The following TLCD2 variants were observed in gnomAD, a reference collection of about 807,000 sequenced individuals.
The protein encoded by TLCD2 is TLC domain containing 2, also known as TLC domain-containing protein 2.
Under a neutral mutation model 14.0 loss-of-function variants are expected in TLCD2, and 12 were observed. That is an observed-to-expected ratio of 0.86 (90% CI 0.55 to 1.39). The LOEUF is 1.39. Ranked by LOEUF, TLCD2 falls within the 40% of genes most tolerant of loss-of-function variation. The pLI is 0.00. For missense variants in TLCD2, 360 were observed against 346.8 expected (o/e 1.04, Z -0.30); for synonymous variants, 166 against 156.5 (o/e 1.06, Z -0.45).
chr17:1,709,675 T>A, intron 2 of TLCD2, 94 bp from the exon 3 acceptor site: 1 of 1,231,718 alleles, frequency 8.1e-7, no homozygotes, highest in South Asian at 1.3e-5. Flanking sequence ...TCCCAGTTCT[T>A]AGTTTTCCCT....
intron 3 of TLCD2, 82 bp downstream of exon 3, chr17:1,709,412 AAAAAG>A (rs1914145231): frequency 3.6e-6 from 3 of 844,390 alleles, no homozygotes; most frequent in Admixed American, 2.9e-5. Context: ...AAAAAAAAAA[AAAAAG>A]AATGAGGAGA....
chr17:1,709,976 T>C, intron 1 of TLCD2, 90 bp from the exon 2 acceptor site: 1 of 1,512,946 alleles, frequency 6.6e-7, no homozygotes, highest in Non-Finnish European at 8.8e-7. Flanking sequence ...CCCACCCCAG[T>C]CTCAGCTCTG....
Position 1,708,479 on chromosome 17 carries a change from CTTTT to C in TLCD2, c.343-261_343-258del, listed in dbSNP as rs70956738. Among the ~76,000 whole-genome samples, 379 of 47,742 alleles carry C rather than the reference CTTTT, an allele frequency of 7.9e-3. 1 individual carries two copies. Among genetic ancestry groups the C allele is most frequent in the African/African-American group, 0.025 (361 of 14,668 alleles). 31.3% of individuals were successfully genotyped at this position (47,742 alleles called of 152,430 possible). On this transcript the variant is annotated intron_variant, in intron 3 of 3. Transcript: ENST00000330676. The stretch of plus-strand genomic sequence containing the variant: ...AACCTCCCATTCCTGGGCTTGCTTG[CTTTT>C]TTTTTTTTTTTTTTTTTTTTTCGAG...
Position 1,704,810 on chromosome 17 carries a change from A to G in TLCD2, c.*2960T>C, listed in dbSNP as rs140225556. On this transcript the variant is annotated 3_prime_UTR_variant, in exon 4 of 4. Transcript: ENST00000330676. ...AACCTCGGCCTCCCAGGTTCAAACG[A>G]TTCTCCTGCCTCAGCCTCCTCAGTA... is the stretch of plus-strand genomic sequence containing the variant. The G allele has an allele frequency of 1.4e-5, 2 of 143,868 alleles. No individual in the cohort carries two copies. Among genetic ancestry groups the G allele is most frequent in the East Asian group, 2.2e-4 (1 of 4,588 alleles). 8.9% of individuals were successfully genotyped at this position (143,868 alleles called of 1,614,324 possible). A position where few individuals can be genotyped will look rare whatever the true frequency, so the allele number is the denominator to read the frequency against.
At position 1,709,809 on chromosome 17, in the gene TLCD2, GAC is replaced by G; in HGVS notation, c.252_253del (p.Ser85CysfsTer10). 1 of 1,528,472 alleles carries G rather than the reference GAC, an allele frequency of 6.5e-7. No individual in the cohort carries two copies. Among genetic ancestry groups the G allele is most frequent in the Non-Finnish European group, 8.8e-7 (1 of 1,140,354 alleles). 94.7% of individuals were successfully genotyped at this position (1,528,472 alleles called of 1,614,324 possible). A position where few individuals can be genotyped will look rare whatever the true frequency, so the allele number is the denominator to read the frequency against. ...AGCCTTCCCTGCAGACTCACCCACAGACACAGCCACCAGCACCAGAGCCCAGC... is the reference window on the plus strand; with the variant it reads ...AGCCTTCCCTGCAGACTCACCCACAGACAGCCACCAGCACCAGAGCCCAGC... On this transcript the variant is annotated frameshift_variant, in exon 2 of 4. Coordinates refer to ENST00000330676, the MANE Select transcript of TLCD2 (RefSeq NM_001164407.2). LOFTEE classifies it high-confidence loss of function.
At chr17:1,709,749 G>C (rs1914159606) in intron 2 of TLCD2, 55 bp downstream of exon 2, 3 of 1,311,160 alleles carry the variant, frequency 2.3e-6, no homozygotes, top group South Asian at 2.5e-5. Flanking sequence ...AAGGACAGCA[G>C]AACCTGCCCC....
At chr17:1,709,953 C>A in intron 1 of TLCD2, 67 bp from the exon 2 acceptor site, 1 of 1,511,814 alleles carries the variant, frequency 6.6e-7, no homozygotes, top group South Asian at 1.2e-5. Context: ...GCCGCAGTCT[C>A]CCTGTGCGCA....
rs1203774331 is a variant in TLCD2, at chr17:1,710,092, G to A, written c.151C>T (p.Leu51Phe). 67 of 1,533,224 alleles carry A rather than the reference G, an allele frequency of 4.4e-5. No individual in the cohort carries two copies. Among genetic ancestry groups the A allele is most frequent in the Non-Finnish European group, 5.8e-5 (66 of 1,146,356 alleles). 95.0% of individuals were successfully genotyped at this position (1,533,224 alleles called of 1,614,324 possible). ...NLCVSLAHSL[L>F]SGTGALLGLS... ...CCGAGCAGCGCCCCGGTCCCCGAGAGCAGGCTGTGCGCCAGGGAGACGCAG... is the reference window on the plus strand; with the variant it reads ...CCGAGCAGCGCCCCGGTCCCCGAGAACAGGCTGTGCGCCAGGGAGACGCAG... The change falls in exon 1 of 4, where the codon CTC (leucine) becomes TTC (phenylalanine). Residue 51 changes from leucine (L) to phenylalanine (F), a missense_variant. Coordinates refer to ENST00000330676, the MANE Select transcript of TLCD2 (RefSeq NM_001164407.2). The surrounding 1 kb of genome is among the most constrained non-coding windows in gnomAD (Gnocchi z 6.1).
intron 3 of TLCD2, among the ~76,000 whole-genome samples, 178 bp downstream of exon 3, chr17:1,709,321 C>T (rs185866680): frequency 2.2e-5 from 3 of 136,432 alleles, no homozygotes; most frequent in East Asian, 2.3e-4. Context: ...ACCCAGGAGG[C>T]GAAGGTTGCA....
chr17:1,708,042 GGGCCAAGGT>G lies in TLCD2; in HGVS notation c.514_522del (p.Thr172_Ala174del), dbSNP rs1191870025. ...CACCCCAGCGGGACCAGGCGGAAGA[GGGCCAAGGT>G]GGCCAAGGAGGCCCAGCTGGTCACG... On this transcript the variant is annotated inframe_deletion, in exon 4 of 4. Transcript: ENST00000330676. The G allele has an allele frequency of 6.5e-7, 1 of 1,537,128 alleles. No homozygotes were observed. Among genetic ancestry groups the G allele is most frequent in the Non-Finnish European group, 8.7e-7 (1 of 1,146,922 alleles).
Position 1,709,565 on chromosome 17 carries a change from G to A in TLCD2, c.276C>T (p.Asp92=), listed in dbSNP as rs1190988650. The change falls in exon 3 of 4, where the codon GAC becomes GAT. Residue 92 remains aspartate, a synonymous_variant. Transcript: ENST00000330676. The stretch of plus-strand genomic sequence containing the variant: ...TCTGGTTCCACAGCAGGTCAGCTCC[G>A]TCTGCCAGGAAGTAACCTGTGGGCA... The part of the protein sequence containing the change: ...VAVSVGYFLA[D]GADLLWNQTL... The A allele has an allele frequency of 5.9e-6, 9 of 1,536,972 alleles. No homozygotes were observed. Among genetic ancestry groups the A allele is most frequent in the African/African-American group, 5.5e-5 (4 of 72,976 alleles).
At position 1,707,962 on chromosome 17, in the gene TLCD2, G is replaced by C; in HGVS notation, c.603C>G (p.Thr201=). 1 of 1,537,262 alleles carries C rather than the reference G, an allele frequency of 6.5e-7. No homozygotes were observed. The highest frequency in any genetic ancestry group is 8.7e-7 in the Non-Finnish European group (1 of 1,146,928). Residue 201 remains threonine, a synonymous_variant, in exon 4 of 4, where the codon ACC becomes ACG. Coordinates refer to ENST00000330676, the MANE Select transcript of TLCD2 (RefSeq NM_001164407.2). ...QHHQVPLALV[T]LGGIGLVTVG... ...CAGTGACCAGCCCAATTCCACCCAG[G>C]GTGACCAGAGCAAGAGGAACCTGGT...
At chr17:1,709,291 G>A (rs1914140480) in intron 3 of TLCD2, among the ~76,000 whole-genome samples, 1 of 150,232 alleles carries the variant, frequency 6.7e-6, no homozygotes, top group South Asian at 2.1e-4. Context: ...GTGGGAGGCT[G>A]AGGCAGGAGA....
In TLCD2 at chr17:1,710,260, G is replaced by C. The variant is rs1309432558; in HGVS notation, c.-18C>G. 3 of 1,506,662 alleles carry C rather than the reference G, an allele frequency of 2.0e-6. No homozygotes were observed. The highest frequency in any genetic ancestry group is 2.6e-6 in the Non-Finnish European group (3 of 1,135,266). The allele number at this position is 1,506,662 out of a possible 1,614,324, so 93.3% of individuals were successfully genotyped here. ...GGCGCCATGGCCTGGCGGTTGGGGG[G>C]TTGCGGGGAGTCCGGGTCGGTCCCC... is the stretch of plus-strand genomic sequence containing the variant. On this transcript the variant is annotated 5_prime_UTR_variant, in exon 1 of 4. Coordinates refer to ENST00000330676, the MANE Select transcript of TLCD2 (RefSeq NM_001164407.2). The surrounding 1 kb of genome is among the most constrained non-coding windows in gnomAD (Gnocchi z 6.1).
In TLCD2 at chr17:1,710,005, C is replaced by G; in HGVS notation, c.176+62G>C. On this transcript the variant is annotated intron_variant, in intron 1 of 3. Transcript: ENST00000330676. The surrounding 1 kb of genome is among the most constrained non-coding windows in gnomAD (Gnocchi z 6.1). ...AGCTCTGGAGACGCCCGGCGGGTCTCCCGGCCTCAGCCTCCCACCCCTCGC... is the reference window on the plus strand; with the variant it reads ...AGCTCTGGAGACGCCCGGCGGGTCTGCCGGCCTCAGCCTCCCACCCCTCGC... 6.6e-7 allele frequency: 1 copy of G among 1,518,674 alleles called. No homozygotes were observed. Among genetic ancestry groups the G allele is most frequent in the Non-Finnish European group, 8.8e-7 (1 of 1,138,546 alleles). The allele number at this position is 1,518,674 out of a possible 1,614,324, so 94.1% of individuals were successfully genotyped here.
chr17:1,709,279 A>C (rs867315726), intron 3 of TLCD2, among the ~76,000 whole-genome samples: 1 of 150,910 alleles, frequency 6.6e-6, no homozygotes, highest in Non-Finnish European at 1.5e-5. Flanking sequence ...AATCCCAGCT[A>C]CGTGGGAGGC....
In TLCD2 at chr17:1,709,485, C is replaced by T. The variant is rs1373711627; in HGVS notation, c.342+14G>A. 1 of 1,536,062 alleles carries T rather than the reference C, an allele frequency of 6.5e-7. No individual in the cohort carries two copies. Among genetic ancestry groups the T allele is most frequent in the East Asian group, 2.4e-5 (1 of 40,904 alleles). Reference sequence around the variant, plus strand: ...TCCTCCCTTCCTGTCTGGCTTCTGCCCTCAGAGTCTCACCACCAAATGATG... The same window carrying T: ...TCCTCCCTTCCTGTCTGGCTTCTGCTCTCAGAGTCTCACCACCAAATGATG... On this transcript the variant is annotated intron_variant, in intron 3 of 3. Transcript: ENST00000330676.
chr17:1,709,650 C>G, intron 2 of TLCD2, 69 bp from the exon 3 acceptor site: 1 of 1,320,546 alleles, frequency 7.6e-7, no homozygotes, highest in Non-Finnish European at 1.1e-6. Flanking sequence ...TTCCAGCCCC[C>G]CCGCCCCGCC....
rs554161360 is a variant in TLCD2 at position 1,707,934 on chromosome 17, C to T, written c.631G>A (p.Gly211Ser). 1 of 1,537,286 alleles carries T rather than the reference C, an allele frequency of 6.5e-7. No individual in the cohort carries two copies. The highest frequency in any genetic ancestry group is 2.4e-5 in the East Asian group (1 of 40,922). The change falls in exon 4 of 4, where the codon GGC becomes AGC. Residue 211 changes from glycine to serine, a missense_variant. Coordinates refer to ENST00000330676, the MANE Select transcript of TLCD2 (RefSeq NM_001164407.2). Reference protein sequence around the residue: ...TLGGIGLVTVGIMSIILGIRI... With the variant: ...TLGGIGLVTVSIMSIILGIRI... ...ATCCCCAATATGATGCTCATGATGCCCACAGTGACCAGCCCAATTCCACCC... is the reference window on the plus strand; with the variant it reads ...ATCCCCAATATGATGCTCATGATGCTCACAGTGACCAGCCCAATTCCACCC...
Sources: gnomAD v4.1 joint callset for allele counts (sites outside exome capture counted in the v4.1 genomes callset) on GRCh38, gnomAD v4.1.1 for gene constraint, Gnocchi (gnomAD v3.1) non-coding constraint, MANE v1.5 for transcripts, NCBI Gene and HGNC (gene_info 2026-07-23, HGNC 2026-07-21) for gene names.